TASP1: variants seen among roughly 807,000 people sequenced by gnomAD.
TASP1 encodes the protein threonine aspartase 1.
A neutral mutation model predicts 56.6 loss-of-function variants in TASP1; 16 were observed. The ratio of observed to expected loss-of-function variants is 0.28; its 90% CI spans 0.19 to 0.43. TASP1 has a LOEUF of 0.43. TASP1 is among the 20% of genes least tolerant of loss of function. The probability of loss-of-function intolerance (pLI) is 1.00; values close to 1 mark genes in which losing one functional copy is unlikely to be tolerated. For synonymous variants in TASP1, 179 were observed against 184.2 expected, an observed-to-expected ratio of 0.97 and a Z score of 0.23; for missense variants, 393 against 511.6, an observed-to-expected ratio of 0.77 and a Z score of 2.24.
chr20:13,286,943 G>A, the TASP1 span, among the ~76,000 whole-genome samples: 1 of 152,178 alleles, frequency 6.6e-6, no homozygotes, highest in African/African-American at 2.4e-5. Context: ...GGAAGATCTG[G>A]GTAAACCAGG....
intron 7 of TASP1, among the ~76,000 whole-genome samples, chr20:13,562,793 T>C (rs1412236746): frequency 6.6e-6 from 1 of 150,634 alleles, no homozygotes; most frequent in Non-Finnish European, 1.5e-5. Context: ...GGGAGAATCA[T>C]CTTAGTCTGG....
the TASP1 span, among the ~76,000 whole-genome samples, chr20:13,143,122 T>C: frequency 1.1e-4 from 16 of 152,174 alleles, no homozygotes; most frequent in Non-Finnish European, 1.2e-4. Flanking sequence ...GATAAACATG[T>C]AATTCTTAAA....
At chr20:13,326,296 T>G in the TASP1 span, among the ~76,000 whole-genome samples, 16 of 152,334 alleles carry the variant, frequency 1.1e-4, no homozygotes, top group African/African-American at 3.6e-4. Context: ...GATTTTTATG[T>G]GCACCTAAGA....
At chr20:13,462,877 G>T (rs566076556) in intron 11 of TASP1, among the ~76,000 whole-genome samples, 64 of 151,962 alleles carry the variant, frequency 4.2e-4, no homozygotes, top group African/African-American at 1.5e-3. Flanking sequence ...TAAATTAAAG[G>T]TACAAAAAAT....
chr20:13,435,299 T>TACTTGATG, intron 11 of TASP1, 145 bp from the exon 12 acceptor site: 1 of 644,784 alleles, frequency 1.6e-6, no homozygotes, highest in Non-Finnish European at 2.7e-6. Flanking sequence ...CCTCATTATA[T>TACTTGATG]ACTTGATGGC....
the TASP1 span, among the ~76,000 whole-genome samples, chr20:13,282,716 G>A: frequency 7.2e-5 from 11 of 152,170 alleles, no homozygotes; most frequent in African/African-American, 2.4e-4. Flanking sequence ...AAATAAAGTC[G>A]TGTTCTGTGC....
the TASP1 span, among the ~76,000 whole-genome samples, chr20:13,306,752 C>T: frequency 2.0e-5 from 3 of 152,020 alleles, no homozygotes; most frequent in Admixed American, 6.6e-5. Flanking sequence ...TTCAAAAATC[C>T]TCCCTTAGAG....
intron 8 of TASP1, among the ~76,000 whole-genome samples, chr20:13,547,221 G>A (rs1033637833): frequency 6.6e-6 from 1 of 152,162 alleles, no homozygotes; most frequent in Non-Finnish European, 1.5e-5. Flanking sequence ...TGGCAAATGT[G>A]TAAAGCAGAT....
intron 13 of TASP1, among the ~76,000 whole-genome samples, chr20:13,391,212 T>A (rs970991357): frequency 6.6e-6 from 1 of 152,096 alleles, no homozygotes; most frequent in Non-Finnish European, 1.5e-5. Context: ...GAGGGCACTG[T>A]GTTTAGTGAC....
intron 13 of TASP1, among the ~76,000 whole-genome samples, chr20:13,395,691 T>C (rs2041503721): frequency 6.8e-6 from 1 of 146,782 alleles, no homozygotes; most frequent in Admixed American, 6.7e-5. Context: ...ACCCTCAGCT[T>C]TCTTTTTTTT....
chr20:13,539,209 T>C (rs2045528558), intron 8 of TASP1, among the ~76,000 whole-genome samples: 1 of 152,242 alleles, frequency 6.6e-6, no homozygotes. Flanking sequence ...TTATAAACTA[T>C]AGTCAAGATG....
In TASP1 at chr20:13,472,592, A is replaced by G. The variant is rs1464454631; in HGVS notation, c.985+10635T>C. The stretch of plus-strand genomic sequence containing the variant: ...ATTTTTGCAATCTATCCATCTAACA[A>G]AGGGCTAATATCCAGAATCTACAAA... On this transcript the variant is annotated intron_variant, in intron 11 of 13. Coordinates refer to ENST00000337743, the MANE Select transcript of TASP1 (RefSeq NM_017714.3). Among the ~76,000 whole-genome samples the G allele has an allele frequency of 2.0e-5, 3 of 151,046 alleles. 1 individual carries two copies. The highest frequency in any genetic ancestry group is 4.4e-5 in the Non-Finnish European group (3 of 67,854).
the TASP1 span, among the ~76,000 whole-genome samples, chr20:13,123,066 C>T: frequency 1.3e-5 from 2 of 152,186 alleles, no homozygotes; most frequent in Admixed American, 1.3e-4. Flanking sequence ...CGTGGTGGCT[C>T]ATGCCTGTAA....
chr20:13,237,880 G>A, the TASP1 span: 3 of 152,268 alleles, frequency 2.0e-5, no homozygotes, highest in East Asian at 5.8e-4. Context: ...ATGCAGGCTG[G>A]TTTCAGTATT....
At chr20:13,289,022 G>A in the TASP1 span, among the ~76,000 whole-genome samples, 2 of 152,104 alleles carry the variant, frequency 1.3e-5, no homozygotes, top group Admixed American at 1.3e-4. Context: ...TCCTGACCTT[G>A]TGATCCGCCC....
intron 11 of TASP1, among the ~76,000 whole-genome samples, chr20:13,473,769 C>T (rs2044612346): frequency 1.3e-5 from 2 of 152,154 alleles, no homozygotes; most frequent in South Asian, 4.1e-4. Flanking sequence ...TCCTACTTCA[C>T]CACATTAAGA....
the TASP1 span, among the ~76,000 whole-genome samples, chr20:13,291,897 G>A: frequency 6.6e-6 from 1 of 152,154 alleles, no homozygotes; most frequent in East Asian, 1.9e-4. Flanking sequence ...AACTCTAGGA[G>A]GTAGGGCAAT....
chr20:13,164,726 T>C, the TASP1 span: 3 of 1,572,186 alleles, frequency 1.9e-6, no homozygotes, highest in South Asian at 3.4e-5. Flanking sequence ...TGTTCAATGA[T>C]AGCTATTGGA....
the TASP1 span, among the ~76,000 whole-genome samples, chr20:13,352,800 T>C: frequency 1.3e-5 from 2 of 152,352 alleles, no homozygotes; most frequent in South Asian, 4.1e-4. Flanking sequence ...CAAGATTCTT[T>C]ACAATCCAGT....
Sources: gnomAD v4.1 joint callset for allele counts (sites outside exome capture counted in the v4.1 genomes callset) on GRCh38, gnomAD v4.1.1 for gene constraint, MANE v1.5 for transcripts, NCBI Gene and HGNC (gene_info 2026-07-23, HGNC 2026-07-21) for gene names.